NEBL: variants seen among roughly 807,000 people sequenced by gnomAD.
NEBL encodes the protein LIM and SH3 protein 2.
NEBL carries 122 observed loss-of-function variants against 140.2 expected under a neutral mutation model. The observed-to-expected ratio is 0.87, with a 90% confidence interval of 0.75 to 1.01. NEBL has a LOEUF of 1.01. NEBL is among the 50% of genes least tolerant of loss of function. The probability of loss-of-function intolerance (pLI) is 0.00; values close to 1 mark genes in which losing one functional copy is unlikely to be tolerated. For synonymous variants in NEBL, 436 were observed against 398.9 expected, an observed-to-expected ratio of 1.09 and a Z score of -1.11; for missense variants, 1,365 against 1,231.3, an observed-to-expected ratio of 1.11 and a Z score of -1.62.
intron 5 of NEBL, among the ~76,000 whole-genome samples, chr10:20,871,910 T>C (rs1216320232): frequency 1.3e-5 from 2 of 152,158 alleles, no homozygotes; most frequent in Non-Finnish European, 2.9e-5. Context: ...CATCCTACCC[T>C]GAGTTAAATA....
Position 20,808,633 on chromosome 10 carries a change from A to C in NEBL, c.2638T>G (p.Trp880Gly), listed in dbSNP as rs374490532. 3.7e-6 allele frequency: 6 copies of C among 1,613,526 alleles called. No homozygotes were observed. The highest frequency in any genetic ancestry group is 3.3e-4 in the Middle Eastern group (2 of 6,058). Residue 880 changes from tryptophan (W) to glycine (G), a missense_variant, in exon 26 of 28, where the codon TGG becomes GGG. Physicochemically the swap from Trp to Gly is radical, Grantham distance 184. Coordinates refer to ENST00000377122, the MANE Select transcript of NEBL (RefSeq NM_006393.3). ...SEKASHYRRH[W>G]SRSHSSSTFG... is the part of the protein sequence containing the mutation. ...GTACTGCTGGAATGGGATCGAGACC[A>C]GTGTCGCCTATAGTGACTCGCCTTT...
At chr10:21,279,580 A>G (rs568886518) in intron 1 of NEBL, among the ~76,000 whole-genome samples, 47 of 152,222 alleles carry the variant, frequency 3.1e-4, no homozygotes, top group African/African-American at 1.1e-3. Flanking sequence ...CAGCCTGGCC[A>G]ACATGGCAAA....
intron 3 of NEBL, among the ~76,000 whole-genome samples, chr10:20,975,511 G>A (rs1354117644): frequency 1.3e-5 from 2 of 152,144 alleles, no homozygotes; most frequent in African/African-American, 2.4e-5. Context: ...TCAGTAGCAA[G>A]AGCTATTATA....
At chr10:21,243,982 A>T (rs535856965) in intron 3 of NEBL, among the ~76,000 whole-genome samples, 13 of 151,876 alleles carry the variant, frequency 8.6e-5, no homozygotes, top group Non-Finnish European at 1.8e-4. Context: ...GAAGGGAGGG[A>T]AGGAAGGAAA....
At position 20,819,404 on chromosome 10, in the gene NEBL, A is replaced by G. The variant is rs537585943; in HGVS notation, c.2055+20T>C. 2 of 1,613,874 alleles carry G rather than the reference A, an allele frequency of 1.2e-6. No individual in the cohort carries two copies. The highest frequency in any genetic ancestry group is 2.2e-5 in the South Asian group (2 of 91,068). ...TATGTTATGTTTGAGAAAATATAAA[A>G]GGAAACAGAAACGACTTGCCGCACT... is the stretch of plus-strand genomic sequence containing the variant. On this transcript the variant is annotated intron_variant, in intron 20 of 27. Coordinates refer to ENST00000377122, the MANE Select transcript of NEBL (RefSeq NM_006393.3).
At chr10:20,788,033 G>A (rs1325190157) in intron 26 of NEBL, among the ~76,000 whole-genome samples, 1 of 152,120 alleles carries the variant, frequency 6.6e-6, no homozygotes, top group Non-Finnish European at 1.5e-5. Flanking sequence ...CATTTAGTAT[G>A]TGCTCTCCAA....
chr10:20,941,614 T>C (rs947975125), intron 4 of NEBL, among the ~76,000 whole-genome samples: 3 of 150,054 alleles, frequency 2.0e-5, no homozygotes, highest in Non-Finnish European at 4.5e-5. Flanking sequence ...AAATAAAGGG[T>C]ATTCAAGTAG....
At chr10:21,096,707 G>A (rs993188258) in intron 2 of NEBL, among the ~76,000 whole-genome samples, 2 of 152,014 alleles carry the variant, frequency 1.3e-5, no homozygotes, top group African/African-American at 4.8e-5. Context: ...TAGAGGTGAA[G>A]TCTCACTATG....
intron 2 of NEBL, among the ~76,000 whole-genome samples, chr10:21,086,932 C>T (rs939697072): frequency 6.6e-6 from 1 of 152,156 alleles, no homozygotes; most frequent in East Asian, 1.9e-4. Flanking sequence ...TCTCCCTGCA[C>T]CCCAACACCA....
chr10:21,064,041 C>A (rs990423503), intron 2 of NEBL, among the ~76,000 whole-genome samples: 4 of 152,062 alleles, frequency 2.6e-5, no homozygotes, highest in African/African-American at 9.7e-5. Context: ...CACTGTACTC[C>A]AGCCTGGGCA....
At chr10:20,833,755 CAA>C (rs919864839) in intron 14 of NEBL, among the ~76,000 whole-genome samples, 18 of 75,730 alleles carry the variant, frequency 2.4e-4, no homozygotes, top group Admixed American at 1.5e-4. Context: ...GACTCCGTCT[CAA>C]AAAAAAAAAA....
intron 14 of NEBL, among the ~76,000 whole-genome samples, chr10:20,832,107 A>AT (rs1007256388): frequency 9.2e-5 from 14 of 152,244 alleles, no homozygotes; most frequent in African/African-American, 3.4e-4. Flanking sequence ...ATAAATCATT[A>AT]TTCCCTTCAC....
chr10:21,074,928 C>T (rs900525381), intron 2 of NEBL, among the ~76,000 whole-genome samples: 4 of 151,882 alleles, frequency 2.6e-5, no homozygotes, highest in Admixed American at 6.6e-5. Context: ...ATCAGCCACC[C>T]GAGTAGCTGG....
At chr10:21,227,731 T>C (rs1842184409) in intron 3 of NEBL, among the ~76,000 whole-genome samples, 2 of 137,362 alleles carry the variant, frequency 1.5e-5, no homozygotes, top group South Asian at 4.6e-4. Flanking sequence ...TTCTTCTTCT[T>C]CTTCTTCTTC....
At chr10:21,054,106 G>A (rs1407426806) in intron 2 of NEBL, among the ~76,000 whole-genome samples, 1 of 152,022 alleles carries the variant, frequency 6.6e-6, no homozygotes, top group African/African-American at 2.4e-5. Context: ...GGACAAAATA[G>A]GAGAAAAATT....
intron 1 of NEBL, among the ~76,000 whole-genome samples, chr10:21,262,906 G>C (rs1842757344): frequency 6.6e-6 from 1 of 152,212 alleles, no homozygotes; most frequent in African/African-American, 2.4e-5. Flanking sequence ...CCAGTCAGGA[G>C]ATTATACAAA....
At chr10:21,169,068 ATATATATATATATATATATATAT>A (rs1333686652) in intron 2 of NEBL, among the ~76,000 whole-genome samples, 1 of 18,044 alleles carries the variant, frequency 5.5e-5, no homozygotes, top group South Asian at 1.4e-3. Context: ...AAAAAAAAAA[ATATATATATATATATATATATAT>A]ATATATATAT....
chr10:20,899,599 A>G (rs1847760591), upstream of NEBL: 8 of 341,826 alleles, frequency 2.3e-5, no homozygotes, highest in South Asian at 1.7e-4. Flanking sequence ...CAATACACCT[A>G]AAGCCCTCTC....
intron 4 of NEBL, among the ~76,000 whole-genome samples, chr10:20,886,130 G>A (rs1846494521): frequency 6.6e-6 from 1 of 152,160 alleles, no homozygotes; most frequent in Admixed American, 6.5e-5. Flanking sequence ...CATGGCACAC[G>A]TTTACCTATG....
Sources: gnomAD v4.1 joint callset for allele counts (sites outside exome capture counted in the v4.1 genomes callset) on GRCh38, gnomAD v4.1.1 for gene constraint, MANE v1.5 for transcripts, NCBI Gene and HGNC (gene_info 2026-07-23, HGNC 2026-07-21) for gene names.